Variants in TNS3 observed in about 807,000 individuals in gnomAD.
TNS3 encodes the protein tensin 3, also known as tensin-3.
TNS3 carries 45 observed loss-of-function variants against 140.9 expected under a neutral mutation model. The observed-to-expected ratio is 0.32, with a 90% CI of 0.25 to 0.41. The LOEUF is 0.41. TNS3 is among the 10% of genes least tolerant of loss of function. The probability of loss-of-function intolerance (pLI) is 1.00; values close to 1 mark genes in which losing one functional copy is unlikely to be tolerated. For missense variants in TNS3, 1,716 were observed against 1,906.7 expected, an observed-to-expected ratio of 0.90 and a Z score of 1.86; for synonymous variants, 815 against 788.4, an observed-to-expected ratio of 1.03 and a Z score of -0.56.
At chr7:47,405,917 G>A (rs1471121424) in intron 13 of TNS3, among the ~76,000 whole-genome samples, 1 of 152,116 alleles carries the variant, frequency 6.6e-6, no homozygotes, top group Admixed American at 6.5e-5. Flanking sequence ...AAATTCAAGT[G>A]GCCGTGGATT....
chr7:47,389,685 C>G (rs1157759089), intron 16 of TNS3, among the ~76,000 whole-genome samples: 2 of 152,232 alleles, frequency 1.3e-5, no homozygotes, highest in East Asian at 1.9e-4. Flanking sequence ...GAGGGTACGC[C>G]TCTCGCACTT....
At chr7:47,477,166 C>G (rs1797227808) in intron 4 of TNS3, among the ~76,000 whole-genome samples, 1 of 152,172 alleles carries the variant, frequency 6.6e-6, no homozygotes, top group African/African-American at 2.4e-5. Context: ...GTATGGCTGG[C>G]AAGGCTCATC....
Position 47,368,557 on chromosome 7 carries a change from G to T in TNS3, c.2089C>A (p.Gln697Lys), listed in dbSNP as rs994549379. Residue 697 changes from glutamine (Q) to lysine (K), a missense_variant, in exon 17 of 31, where the codon CAG (glutamine) becomes AAG (lysine). By Grantham distance (53) the Gln-to-Lys change is moderately conservative (BLOSUM62 1). This residue lies in a region of TNS3 where 1,163 missense variants were observed against 1,182.1 expected (regional missense o/e 0.98). Transcript: ENST00000311160. ...AGCCTGTTGAGCTGCTCGATGGACTGGTCGATGTCCAGGGTGGGCGAGCCT... is the reference window on the plus strand; with the variant it reads ...AGCCTGTTGAGCTGCTCGATGGACTTGTCGATGTCCAGGGTGGGCGAGCCT... The part of the protein sequence containing the change: ...SPGSPTLDID[Q>K]SIEQLNRLIL... 35 of 1,573,074 alleles carry T rather than the reference G, an allele frequency of 2.2e-5. No individual in the cohort carries two copies. Among genetic ancestry groups the T allele is most frequent in the Non-Finnish European group, 2.9e-5 (33 of 1,155,320 alleles).
At position 47,372,639 on chromosome 7, in the gene TNS3, T is replaced by C. The variant is rs139963914; in HGVS notation, c.1025-3018A>G. ...AAAAACAACAACTTTTCCATTACCATTGACTAAACACTCCATCTACGTCAG... is the reference window on the plus strand; with the variant it reads ...AAAAACAACAACTTTTCCATTACCACTGACTAAACACTCCATCTACGTCAG... On this transcript the variant is annotated intron_variant, in intron 16 of 30. Transcript: ENST00000311160. 3.2e-3 allele frequency among the ~76,000 whole-genome samples: 490 copies of C among 152,284 alleles called. 1 individual carries two copies. The highest frequency in any genetic ancestry group is 6.1e-3 in the Non-Finnish European group (412 of 68,024).
chr7:47,394,139 A>T (rs1000149818), intron 16 of TNS3, among the ~76,000 whole-genome samples: 2 of 152,198 alleles, frequency 1.3e-5, no homozygotes, highest in African/African-American at 4.8e-5. Context: ...TTAAAGTTCA[A>T]ATTGCTTCTC....
chr7:47,563,988 T>C (rs1223787415), intron 1 of TNS3, among the ~76,000 whole-genome samples: 2 of 151,666 alleles, frequency 1.3e-5, no homozygotes, highest in Non-Finnish European at 2.9e-5. Context: ...GGTCAGGAGA[T>C]CAAGACCTTC....
At chr7:47,399,831 G>T (rs10266922) in intron 15 of TNS3, among the ~76,000 whole-genome samples, 114,543 of 152,104 alleles carry the variant, frequency 0.75, 44,950 homozygotes, top group Middle Eastern at 0.86. Flanking sequence ...AAATGGGACC[G>T]AATTAAACTA....
intron 3 of TNS3, among the ~76,000 whole-genome samples, chr7:47,497,155 TTTC>T (rs1178862642): frequency 6.6e-6 from 1 of 152,200 alleles, no homozygotes; most frequent in Admixed American, 6.5e-5. Flanking sequence ...ATATATATAC[TTTC>T]TTGTCATTTA....
chr7:47,516,418 C>T (rs1405270639), intron 2 of TNS3, among the ~76,000 whole-genome samples: 1 of 151,874 alleles, frequency 6.6e-6, no homozygotes, highest in Non-Finnish European at 1.5e-5. Context: ...TGCCTCTGTC[C>T]CATCTAAACT....
At chr7:47,427,476 GA>G (rs1477182720) in intron 9 of TNS3, among the ~76,000 whole-genome samples, 2 of 152,208 alleles carry the variant, frequency 1.3e-5, no homozygotes, top group African/African-American at 4.8e-5. Context: ...GCTTTACAAA[GA>G]GGCCATTGAG....
intron 4 of TNS3, among the ~76,000 whole-genome samples, chr7:47,446,864 T>TG (rs528163635): frequency 5.7e-4 from 67 of 116,580 alleles, no homozygotes; most frequent in Non-Finnish European, 1.2e-3. Context: ...GGCTAATTTT[T>TG]GTTTTTTTTT....
chr7:47,305,040 T>A, intron 20 of TNS3, 37 bp from the exon 21 acceptor site: 2 of 1,323,990 alleles, frequency 1.5e-6, no homozygotes, highest in Non-Finnish European at 1.9e-6. Flanking sequence ...AGACCTCGGT[T>A]GTAGGACTGG....
chr7:47,582,334 C>G (rs563409048), upstream of TNS3: 38 of 428,272 alleles, frequency 8.9e-5, no homozygotes, highest in East Asian at 2.8e-3. Context: ...TCGCTGGCCG[C>G]AGAGAGGACC....
chr7:47,368,549 G>T lies in TNS3; in HGVS notation c.2097C>A (p.Ile699=). ...GSPTLDIDQS[I]EQLNRLILEL... ...CCAGGATCAGCCTGTTGAGCTGCTC[G>T]ATGGACTGGTCGATGTCCAGGGTGG... Residue 699 remains isoleucine, a synonymous_variant, in exon 17 of 31, where the codon ATC becomes ATA. Coordinates refer to ENST00000311160, the MANE Select transcript of TNS3 (RefSeq NM_022748.12). The T allele has an allele frequency of 1.3e-6, 2 of 1,577,974 alleles. No homozygotes were observed. The highest frequency in any genetic ancestry group is 1.7e-6 in the Non-Finnish European group (2 of 1,157,514).
At chr7:47,390,866 G>A (rs913975010) in intron 16 of TNS3, among the ~76,000 whole-genome samples, 1 of 152,154 alleles carries the variant, frequency 6.6e-6, no homozygotes, top group African/African-American at 2.4e-5. Flanking sequence ...CTTAGCTGGG[G>A]AGTCCAGAAG....
At chr7:47,329,628 C>T (rs899286787) in intron 20 of TNS3, among the ~76,000 whole-genome samples, 2 of 152,222 alleles carry the variant, frequency 1.3e-5, no homozygotes, top group Admixed American at 6.5e-5. Flanking sequence ...TGCAGAGCAG[C>T]AGCTCCTGCA....
intron 4 of TNS3, among the ~76,000 whole-genome samples, chr7:47,472,064 A>T (rs1796976815): frequency 6.6e-6 from 1 of 152,128 alleles, no homozygotes; most frequent in Non-Finnish European, 1.5e-5. Context: ...AGGCTGCCAC[A>T]ATTGGTGAGG....
intron 3 of TNS3, among the ~76,000 whole-genome samples, chr7:47,485,398 G>T (rs1797574972): frequency 6.6e-6 from 1 of 152,212 alleles, no homozygotes; most frequent in South Asian, 2.1e-4. Flanking sequence ...CTCAGAGAGG[G>T]CCAGCGCCAG....
chr7:47,375,233 T>C (rs1430555193), intron 16 of TNS3, among the ~76,000 whole-genome samples: 2 of 152,104 alleles, frequency 1.3e-5, no homozygotes, highest in Non-Finnish European at 2.9e-5. Context: ...CACATCTCAG[T>C]CCAGGGTAAA....
Sources: allele counts gnomAD v4.1 joint callset (sites outside exome capture counted in the v4.1 genomes callset), GRCh38; gene constraint gnomAD v4.1.1; regional missense constraint gnomAD v4.1.1; transcripts MANE v1.5; gene names NCBI Gene and HGNC (gene_info 2026-07-23, HGNC 2026-07-21).